Variants in GDF6 observed in about 807,000 individuals in gnomAD.
GDF6 encodes growth differentiation factor 6.
GDF6 carries 3 observed loss-of-function variants against 32.4 expected under a neutral mutation model. The ratio of observed to expected loss-of-function variants is 0.09; its 90% CI spans 0.04 to 0.24. The LOEUF (loss-of-function observed/expected upper bound fraction) is 0.24. GDF6 is among the 10% of genes least tolerant of loss of function. GDF6 has a pLI of 1.00. For synonymous variants in GDF6, 296 were observed against 295.3 expected (o/e 1.00, Z -0.03); for missense variants, 589 against 637.9 (o/e 0.92, Z 0.83).
rs753416812 is a variant in GDF6, at chr8:96,160,474, G to T, written c.219C>A (p.Asp73Glu). 2 of 1,612,836 alleles carry T rather than the reference G, an allele frequency of 1.2e-6. No homozygotes were observed. The highest frequency in any genetic ancestry group is 1.7e-5 in the Admixed American group (1 of 59,958). The change falls in exon 1 of 2, where the codon GAC becomes GAA. Residue 73 changes from aspartate (D) to glutamate (E), a missense_variant. Asp to Glu is a conservative substitution (Grantham distance 45). This residue lies in a region of GDF6 where 436 missense variants were observed against 411.2 expected (regional missense o/e 1.06). Transcript: ENST00000287020. ...CCCGGGGCTGCTGAGCCCGGGGTTC[G>T]TCCTGAGGCCGCGGCTGTGGTTCCT... Reference protein sequence around the residue: ...EGQEPQPRPQDEPRAQQPRAQ... With the variant: ...EGQEPQPRPQEEPRAQQPRAQ...
chr8:96,156,379 T>TCTCTCTCTCTCTCTCTCTTTCC (rs1812662589), intron 1 of GDF6, among the ~76,000 whole-genome samples: 3 of 548 alleles, frequency 5.5e-3, no homozygotes, highest in Non-Finnish European at 0.013. Context: ...TCTCTTTCCC[T>TCTCTCTCTCTCTCTCTCTTTCC]CTCTCTCTCT....
In GDF6 at chr8:96,158,700, G is replaced by A. The variant is rs374353109; in HGVS notation, c.406+1587C>T. Reference sequence around the variant, plus strand: ...TGCACGATTAACAGAGGACTTTGAGGGACAGAAACAACTGTAGCAAGGCGT... The same window carrying A: ...TGCACGATTAACAGAGGACTTTGAGAGACAGAAACAACTGTAGCAAGGCGT... On this transcript the variant is annotated intron_variant, in intron 1 of 1. Transcript: ENST00000287020. Among the ~76,000 whole-genome samples, 16 of 152,326 alleles carry A rather than the reference G, an allele frequency of 1.1e-4. No individual in the cohort carries two copies. The East Asian group carries it at 3.1e-3, about 29-fold the overall frequency.
In GDF6 at chr8:96,144,848, C is replaced by T; in HGVS notation, c.1083G>A (p.Val361=). 1.2e-6 allele frequency: 2 copies of T among 1,614,080 alleles called. No individual in the cohort carries two copies. Among genetic ancestry groups the T allele is most frequent in the Non-Finnish European group, 1.7e-6 (2 of 1,179,978 alleles). The change falls in exon 2 of 2, where the codon GTG becomes GTA. Residue 361 remains valine, a synonymous_variant. Coordinates refer to ENST00000287020, the MANE Select transcript of GDF6 (RefSeq NM_001001557.4). The surrounding 1 kb of genome is among the most constrained non-coding windows in gnomAD (Gnocchi z 5.1). ...CGTCCCAGCCCAGCTCCTTGAAGTT[C>T]ACGTGCAGGGGCTTCTTGCTGCAGC... The part of the protein sequence containing the change: ...RLRCSKKPLH[V]NFKELGWDDW...
chr8:96,147,697 A>C (rs1306882269), intron 1 of GDF6, among the ~76,000 whole-genome samples: 1 of 152,260 alleles, frequency 6.6e-6, no homozygotes, highest in Non-Finnish European at 1.5e-5. Flanking sequence ...TGTCTATTTA[A>C]TTCAGAGTTG....
At chr8:96,146,953 T>C (rs1371288944) in intron 1 of GDF6, among the ~76,000 whole-genome samples, 1 of 152,226 alleles carries the variant, frequency 6.6e-6, no homozygotes, top group Non-Finnish European at 1.5e-5. Flanking sequence ...TCCACTTCAA[T>C]GTGCAAGGCG....
At chr8:96,152,235 C>T (rs1024888424) in intron 1 of GDF6, among the ~76,000 whole-genome samples, 3 of 152,220 alleles carry the variant, frequency 2.0e-5, no homozygotes, top group Non-Finnish European at 4.4e-5. Context: ...CATCCCGATT[C>T]TTCTCAGTCC....
At position 96,143,855 on chromosome 8, in the gene GDF6, A is replaced by T. The variant is rs1812411959; in HGVS notation, c.*708T>A. ...TGAAGGTTGCCAGTTCCTGGTACCG[A>T]AAGAGGCCAGGGCAGAGCTGGTAAA... is the stretch of plus-strand genomic sequence containing the variant. On this transcript the variant is annotated 3_prime_UTR_variant, in exon 2 of 2. Transcript: ENST00000287020. 1 of 152,862 alleles carries T rather than the reference A, an allele frequency of 6.5e-6. No homozygotes were observed. Among genetic ancestry groups the T allele is most frequent in the Non-Finnish European group, 1.5e-5 (1 of 68,328 alleles). 9.5% of individuals were successfully genotyped at this position (152,862 alleles called of 1,614,324 possible). A position where few individuals can be genotyped will look rare whatever the true frequency, so the allele number is the denominator to read the frequency against.
At chr8:96,159,683 A>G (rs1477116441) in intron 1 of GDF6, among the ~76,000 whole-genome samples, 4 of 152,200 alleles carry the variant, frequency 2.6e-5, no homozygotes, top group Non-Finnish European at 5.9e-5. Flanking sequence ...CGCTGGAGCA[A>G]AAAAGCCGGA....
Position 96,160,588 on chromosome 8 carries a change from G to C in GDF6, c.105C>G (p.Ala35=). ...GCATGCCCTTGGTGGAACCCAGCTC[G>C]GCGGACGACGAGGAGGATGAGATGG... The part of the protein sequence containing the change: ...QASISSSSSS[A]ELGSTKGMRS... Residue 35 remains alanine, a synonymous_variant, in exon 1 of 2, where the codon GCC becomes GCG. Transcript: ENST00000287020. 6.2e-7 allele frequency: 1 copy of C among 1,613,704 alleles called. No homozygotes were observed. Among genetic ancestry groups the C allele is most frequent in the Non-Finnish European group, 8.5e-7 (1 of 1,179,730 alleles).
intron 1 of GDF6, among the ~76,000 whole-genome samples, chr8:96,155,200 C>A (rs547907957): frequency 4.9e-4 from 74 of 152,396 alleles, no homozygotes; most frequent in African/African-American, 1.6e-3. Flanking sequence ...TTGAGGAAAA[C>A]GCTATGTCCG....
At chr8:96,159,713 G>A (rs945442039) in intron 1 of GDF6, among the ~76,000 whole-genome samples, 25 of 152,236 alleles carry the variant, frequency 1.6e-4, no homozygotes, top group African/African-American at 4.8e-5. Flanking sequence ...GCTCCAGCCC[G>A]GCTGACCATC....
chr8:96,160,455 G>A lies in GDF6; in HGVS notation c.238C>T (p.Pro80Ser). Reference protein sequence around the residue: ...RPQDEPRAQQPRAQEPPGRGP... With the variant: ...RPQDEPRAQQSRAQEPPGRGP... ...CTGCCTGGCGGCTCCTGCGCCCGGG[G>A]CTGCTGAGCCCGGGGTTCGTCCTGA... Residue 80 changes from proline to serine, a missense_variant, in exon 1 of 2, where the codon CCC (proline) becomes TCC (serine). This residue lies in a region of GDF6 where 436 missense variants were observed against 411.2 expected (regional missense o/e 1.06). Coordinates refer to ENST00000287020, the MANE Select transcript of GDF6 (RefSeq NM_001001557.4). 2.5e-6 allele frequency: 4 copies of A among 1,613,544 alleles called. No homozygotes were observed. Among genetic ancestry groups the A allele is most frequent in the South Asian group, 1.1e-5 (1 of 91,054 alleles).
chr8:96,160,528 C>T lies in GDF6; in HGVS notation c.165G>A (p.Pro55=). Residue 55 remains proline, a synonymous_variant, in exon 1 of 2, where the codon CCG becomes CCA. Transcript: ENST00000287020. The part of the protein sequence containing the change: ...SRKEGKMQRA[P]RDSDAGREGQ... Reference sequence around the variant, plus strand: ...CCTCCCGGCCCGCGTCACTGTCGCGCGGCGCCCGCTGCATCTTGCCTTCCT... The same window carrying T: ...CCTCCCGGCCCGCGTCACTGTCGCGTGGCGCCCGCTGCATCTTGCCTTCCT... The T allele has an allele frequency of 1.2e-6, 2 of 1,613,322 alleles. No individual in the cohort carries two copies. Among genetic ancestry groups the T allele is most frequent in the Non-Finnish European group, 1.7e-6 (2 of 1,179,660 alleles).
In GDF6 at chr8:96,145,706, G is replaced by T. The variant is rs1812467994; in HGVS notation, c.407-182C>A. On this transcript the variant is annotated intron_variant, in intron 1 of 1. Transcript: ENST00000287020. This position sits in a 1 kb window ranked among gnomAD's most constrained non-coding sequence, Gnocchi z 5.6. ...TCTGGCTGGTGCATGGCGCGGGGAAGGGGGCGCGCCAGGACGGGCCCCCTC... is the reference window on the plus strand; with the variant it reads ...TCTGGCTGGTGCATGGCGCGGGGAATGGGGCGCGCCAGGACGGGCCCCCTC... 6.6e-6 allele frequency among the ~76,000 whole-genome samples: 1 copy of T among 152,156 alleles called. No individual in the cohort carries two copies. Among genetic ancestry groups the T allele is most frequent in the African/African-American group, 2.4e-5 (1 of 41,442 alleles).
At chr8:96,146,733 G>C (rs1446654057) in intron 1 of GDF6, among the ~76,000 whole-genome samples, 3 of 151,126 alleles carry the variant, frequency 2.0e-5, no homozygotes, top group South Asian at 2.1e-4. Flanking sequence ...GAGATAGAGA[G>C]ACTTTCCCAT....
chr8:96,153,684 G>A (rs554842161), intron 1 of GDF6, among the ~76,000 whole-genome samples: 36 of 152,312 alleles, frequency 2.4e-4, no homozygotes, highest in Non-Finnish European at 4.3e-4. Flanking sequence ...AAAAGTAGAA[G>A]GAAGGGTGTT....
intron 1 of GDF6, among the ~76,000 whole-genome samples, chr8:96,157,659 G>T (rs904262036): frequency 6.6e-6 from 1 of 152,204 alleles, no homozygotes; most frequent in African/African-American, 2.4e-5. Flanking sequence ...CCCTAGGGGG[G>T]TTGGCGCGGT....
At position 96,160,767 on chromosome 8, in the gene GDF6, C is replaced by T; in HGVS notation, c.-75G>A. The T allele has an allele frequency of 2.7e-6, 4 of 1,493,498 alleles. No homozygotes were observed. The Admixed American group carries it at 7.4e-5, about 28-fold the overall frequency. 92.5% of individuals were successfully genotyped at this position (1,493,498 alleles called of 1,614,324 possible). A position where few individuals can be genotyped will look rare whatever the true frequency, so the allele number is the denominator to read the frequency against. ...ACGCGCGGGGCACGGAGCGGCTGGA[C>T]AGCGGCCGGGGCCCGGCTCCTCGGG... On this transcript the variant is annotated 5_prime_UTR_variant, in exon 1 of 2. Coordinates refer to ENST00000287020, the MANE Select transcript of GDF6 (RefSeq NM_001001557.4).
chr8:96,150,467 G>C (rs1469298685), intron 1 of GDF6, among the ~76,000 whole-genome samples: 2 of 152,214 alleles, frequency 1.3e-5, no homozygotes, highest in Non-Finnish European at 2.9e-5. Context: ...AGCATTGAGC[G>C]CTTGTAGGGC....
Sources: allele counts gnomAD v4.1 joint callset (sites outside exome capture counted in the v4.1 genomes callset), GRCh38; gene constraint gnomAD v4.1.1; regional missense constraint gnomAD v4.1.1; non-coding constraint Gnocchi (gnomAD v3.1); transcripts MANE v1.5; gene names NCBI Gene and HGNC (gene_info 2026-07-23, HGNC 2026-07-21).